TLR5: variants seen among roughly 807,000 people sequenced by gnomAD.
TLR5 encodes the protein toll like receptor 5, also known as toll-like receptor 5.
For missense variants in TLR5, 944 were observed against 999.8 expected (o/e 0.94, Z 0.75); for synonymous variants, 373 against 384.4 (o/e 0.97, Z 0.35).
At chr1:223,127,526 T>C (rs1042909102) in intron 5 of TLR5, 3 of 152,198 alleles carry the variant, frequency 2.0e-5, no homozygotes, top group Non-Finnish European at 2.9e-5. Flanking sequence ...ACCGGAACCA[T>C]GCCCAACAAA....
intron 4 of TLR5, among the ~76,000 whole-genome samples, chr1:223,133,609 A>ATGC (rs1309172648): frequency 3.3e-5 from 5 of 152,188 alleles, no homozygotes; most frequent in Non-Finnish European, 7.3e-5. Context: ...CATGGCTAAG[A>ATGC]TGCTGCACGA....
At position 223,111,167 on chromosome 1, in the gene TLR5, A is replaced by G. The variant is rs768993746; in HGVS notation, c.1865T>C (p.Phe622Ser). 6.2e-7 allele frequency: 1 copy of G among 1,614,116 alleles called. No individual in the cohort carries two copies. Among genetic ancestry groups the G allele is most frequent in the Non-Finnish European group, 8.5e-7 (1 of 1,180,042 alleles). The change falls in exon 6 of 6, where the codon TTC becomes TCC. Residue 622 changes from phenylalanine to serine, a missense_variant. Phe to Ser is a radical substitution (Grantham distance 155, BLOSUM62 -2). Transcript: ENST00000642603. ...ATCACAACCTTCCGTGGAAAGAGAG[A>G]AGAGGGAAACCCCAGAGAACGAGTC... ...YPDSFSGVSL[F>S]SLSTEGCDEE...
At position 223,111,133 on chromosome 1, in the gene TLR5, T is replaced by C. The variant is rs779781665; in HGVS notation, c.1899A>G (p.Glu633=). 1.9e-6 allele frequency: 3 copies of C among 1,614,158 alleles called. No homozygotes were observed. Among genetic ancestry groups the C allele is most frequent in the Admixed American group, 3.3e-5 (2 of 60,016 alleles). ...SLSTEGCDEE[E]VLKSLKFSLF... Reference sequence around the variant, plus strand: ...GGGAGAACTTTAGGGACTTTAAGACTTCCTCTTCATCACAACCTTCCGTGG... The same window carrying C: ...GGGAGAACTTTAGGGACTTTAAGACCTCCTCTTCATCACAACCTTCCGTGG... The change falls in exon 6 of 6, where the codon GAA becomes GAG. Residue 633 remains glutamate (E), a synonymous_variant. Coordinates refer to ENST00000642603, the MANE Select transcript of TLR5 (RefSeq NM_003268.6).
intron 1 of TLR5, 85 bp from the exon 2 acceptor site, chr1:223,141,848 G>GAGAGAGAGAGAGAGAGAGAA (rs1553271506): frequency 2.5e-4 from 34 of 135,320 alleles, no homozygotes; most frequent in Non-Finnish European, 4.7e-4. Context: ...GAGAGAGAGA[G>GAGAGAGAGAGAGAGAGAGAA]AGAGAGAGAA....
rs555793815 is a variant in TLR5, at chr1:223,110,071, T to C, written c.*384A>G. 1.9e-4 allele frequency: 54 copies of C among 284,546 alleles called. No homozygotes were observed. In the South Asian group the frequency reaches 2.1e-3, roughly 11 times the overall value. 17.6% of individuals were successfully genotyped at this position (284,546 alleles called of 1,614,324 possible). A position where few individuals can be genotyped will look rare whatever the true frequency, so the allele number is the denominator to read the frequency against. On this transcript the variant is annotated 3_prime_UTR_variant, in exon 6 of 6. Transcript: ENST00000642603. ...TTTGCAGAACACAGAGAACGCAGAA[T>C]CATGGACCATCCCATTTTTTAGCTG... is the stretch of plus-strand genomic sequence containing the variant.
At position 223,110,673 on chromosome 1, in the gene TLR5, G is replaced by C. The variant is rs1419881019; in HGVS notation, c.2359C>G (p.Leu787Val). The C allele has an allele frequency of 3.1e-6, 5 of 1,614,146 alleles. No homozygotes were observed. In the South Asian group the frequency reaches 3.3e-5, roughly 11 times the overall value. Residue 787 changes from leucine to valine, a missense_variant, in exon 6 of 6, where the codon CTC becomes GTC. Leu to Val is a conservative substitution (Grantham distance 32). Transcript: ENST00000642603. ...AAGGACCCAACCACCACCATGATGAGAGCACTGTTAAGGTCAGATAAGCAC... is the reference window on the plus strand; with the variant it reads ...AAGGACCCAACCACCACCATGATGACAGCACTGTTAAGGTCAGATAAGCAC... ...GRCLSDLNSA[L>V]IMVVVGSLSQ... is the part of the protein sequence containing the mutation.
intron 5 of TLR5, among the ~76,000 whole-genome samples, chr1:223,130,427 T>C (rs905886574): frequency 1.3e-5 from 2 of 152,152 alleles, no homozygotes; most frequent in African/African-American, 4.8e-5. Context: ...ATGAATTTGC[T>C]CACATCCTGC....
intron 4 of TLR5, among the ~76,000 whole-genome samples, chr1:223,134,003 A>G (rs1456222526): frequency 6.6e-6 from 1 of 152,236 alleles, no homozygotes; most frequent in Non-Finnish European, 1.5e-5. Flanking sequence ...TTCAATGACA[A>G]CTAAATTTGT....
rs765444842 is a variant in TLR5 at position 223,110,824 on chromosome 1, T to C, written c.2208A>G (p.Pro736=). Residue 736 remains proline, a synonymous_variant, in exon 6 of 6, where the codon CCA becomes CCG. Coordinates refer to ENST00000642603, the MANE Select transcript of TLR5 (RefSeq NM_003268.6). The part of the protein sequence containing the change: ...NLCFEERDFV[P]GENRIANIQD... ...GGATATTGGCAATGCGGTTTTCTCCTGGGACAAAGTCTCTTTCTTCAAAGC... is the reference window on the plus strand; with the variant it reads ...GGATATTGGCAATGCGGTTTTCTCCCGGGACAAAGTCTCTTTCTTCAAAGC... 3.1e-6 allele frequency: 5 copies of C among 1,614,152 alleles called. No homozygotes were observed. Among genetic ancestry groups the C allele is most frequent in the Middle Eastern group, 1.6e-4 (1 of 6,084 alleles).
rs750967912 is a variant in TLR5, at chr1:223,111,269, C to T, written c.1763G>A (p.Ser588Asn). ...GTGATTAAGCCAATTGATAAAAGTG[C>T]TAAGTTCACATTCACAAATGAACTT... is the stretch of plus-strand genomic sequence containing the variant. ...HNKFICECEL[S>N]TFINWLNHTN... Residue 588 changes from serine (S) to asparagine (N), a missense_variant, in exon 6 of 6, where the codon AGC becomes AAC. Ser to Asn is a conservative substitution (Grantham distance 46, BLOSUM62 1). Coordinates refer to ENST00000642603, the MANE Select transcript of TLR5 (RefSeq NM_003268.6). 116 of 1,614,024 alleles carry T rather than the reference C, an allele frequency of 7.2e-5. No homozygotes were observed. Among genetic ancestry groups the T allele is most frequent in the Non-Finnish European group, 8.1e-5 (95 of 1,180,038 alleles).
rs5744102 is a variant in TLR5 at position 223,143,188 on chromosome 1, G to C, written c.-555+8C>G. 6.6e-6 allele frequency: 1 copy of C among 152,216 alleles called. No individual in the cohort carries two copies. Among genetic ancestry groups the C allele is most frequent in the African/African-American group, 2.4e-5 (1 of 41,462 alleles). 9.4% of individuals were successfully genotyped at this position (152,216 alleles called of 1,614,324 possible). ...CCGGCCCATCCCCTGCCGCTGCAGG[G>C]CGCTCACCTCTGGGACGCCTCCCCG... is the stretch of plus-strand genomic sequence containing the variant. On this transcript the variant is annotated splice_region_variant and intron_variant, in intron 1 of 5. Coordinates refer to ENST00000642603, the MANE Select transcript of TLR5 (RefSeq NM_003268.6).
At chr1:223,136,826 T>G (rs1181180724) in intron 3 of TLR5, among the ~76,000 whole-genome samples, 3 of 152,056 alleles carry the variant, frequency 2.0e-5, no homozygotes, top group Non-Finnish European at 4.4e-5. Context: ...TTATTGACTG[T>G]TTTTTAAATT....
In TLR5 at chr1:223,111,142, AT is replaced by A. The variant is rs1416541773; in HGVS notation, c.1889del (p.Asp630ValfsTer6). The A allele has an allele frequency of 6.2e-7, 1 of 1,614,250 alleles. No homozygotes were observed. The highest frequency in any genetic ancestry group is 8.5e-7 in the Non-Finnish European group (1 of 1,180,044). On this transcript the variant is annotated frameshift_variant, in exon 6 of 6. Transcript: ENST00000642603. LOFTEE classifies it low-confidence loss of function (END_TRUNC). ...SLFSLSTEGC[D>X]EEEVLKSLKF... ...TTAGGGACTTTAAGACTTCCTCTTCATCACAACCTTCCGTGGAAAGAGAGAA... is the reference window on the plus strand; with the variant it reads ...TTAGGGACTTTAAGACTTCCTCTTCACACAACCTTCCGTGGAAAGAGAGAA...
rs374080914 is a variant in TLR5, at chr1:223,112,697, G to T, written c.335C>A (p.Pro112Gln). Residue 112 changes from proline to glutamine, a missense_variant, in exon 6 of 6, where the codon CCA becomes CAA. Physicochemically the swap from Pro to Gln is moderately conservative, Grantham distance 76 (BLOSUM62 -1). Coordinates refer to ENST00000642603, the MANE Select transcript of TLR5 (RefSeq NM_003268.6). ...ATGGAACAGTCCCTGAAAAGCATCT[G>T]GATGCAAGAAGTATATCTTACTACT... The part of the protein sequence containing the change: ...LGSSKIYFLH[P>Q]DAFQGLFHLF... The T allele has an allele frequency of 6.8e-6, 11 of 1,614,100 alleles. No homozygotes were observed. The highest frequency in any genetic ancestry group is 4.2e-6 in the Non-Finnish European group (5 of 1,180,042).
chr1:223,117,420 G>T (rs142763372), intron 5 of TLR5, among the ~76,000 whole-genome samples: 2 of 151,938 alleles, frequency 1.3e-5, no homozygotes, highest in East Asian at 1.9e-4. Context: ...CCTCAAGCAC[G>T]GCCAGAGTGG....
At position 223,111,413 on chromosome 1, in the gene TLR5, ACTGTCAGC is replaced by A; in HGVS notation, c.1611_1618del (p.Arg537SerfsTer6). 7 of 1,614,172 alleles carry A rather than the reference ACTGTCAGC, an allele frequency of 4.3e-6. No homozygotes were observed. Among genetic ancestry groups the A allele is most frequent in the Non-Finnish European group, 5.1e-6 (6 of 1,180,032 alleles). On this transcript the variant is annotated frameshift_variant, in exon 6 of 6. Transcript: ENST00000642603. LOFTEE classifies it low-confidence loss of function (END_TRUNC). Reference sequence around the variant, plus strand: ...AGCAGGTAAATCATTGTGAGAAAGAACTGTCAGCCTGTTGGAGTTGAGGCTTAGTCCCC... The same window carrying A: ...AGCAGGTAAATCATTGTGAGAAAGAACTGTTGGAGTTGAGGCTTAGTCCCC...
intron 5 of TLR5, among the ~76,000 whole-genome samples, chr1:223,114,630 G>A (rs964822558): frequency 6.6e-6 from 1 of 152,182 alleles, no homozygotes; most frequent in Non-Finnish European, 1.5e-5. Flanking sequence ...CTGATGTATG[G>A]TGGGGTTTCC....
chr1:223,114,041 T>C (rs904952192), intron 5 of TLR5, among the ~76,000 whole-genome samples: 3 of 152,196 alleles, frequency 2.0e-5, no homozygotes, highest in Admixed American at 6.5e-5. Flanking sequence ...GGGCACTTTC[T>C]GGCACCCCAC....
intron 5 of TLR5, among the ~76,000 whole-genome samples, chr1:223,125,667 C>T (rs889126274): frequency 3.3e-5 from 5 of 152,048 alleles, no homozygotes; most frequent in African/African-American, 1.2e-4. Context: ...GGTGTGCTCT[C>T]TCAGGAATCT....
Sources: gnomAD v4.1 joint callset for allele counts (sites outside exome capture counted in the v4.1 genomes callset) on GRCh38, gnomAD v4.1.1 for gene constraint, MANE v1.5 for transcripts, NCBI Gene and HGNC (gene_info 2026-07-23, HGNC 2026-07-21) for gene names.